DTWD1: variants seen among roughly 807,000 people sequenced by gnomAD.
The protein encoded by DTWD1 is tRNA-uridine aminocarboxypropyltransferase 1.
In DTWD1, 27 loss-of-function variants were observed where a neutral mutation model predicts 30.2. The ratio of observed to expected loss-of-function variants is 0.90; its 90% CI spans 0.66 to 1.23. The LOEUF (loss-of-function observed/expected upper bound fraction) is 1.23. Among genes scored for constraint, DTWD1 ranks in the 50% most tolerant of loss-of-function variants. The pLI is 0.00. For missense variants in DTWD1, 342 were observed against 348.8 expected, an observed-to-expected ratio of 0.98 and a Z score of 0.15; for synonymous variants, 99 against 113.1, an observed-to-expected ratio of 0.88 and a Z score of 0.79.
At position 49,655,134 on chromosome 15, in the gene DTWD1, G is replaced by C; in HGVS notation, c.*11556G>C. The C allele has an allele frequency of 6.6e-6, 1 of 152,040 alleles. No homozygotes were observed. The highest frequency in any genetic ancestry group is 1.9e-4 in the East Asian group (1 of 5,160). 9.4% of individuals were successfully genotyped at this position (152,040 alleles called of 1,614,324 possible). The stretch of plus-strand genomic sequence containing the variant: ...ACATATGAATTTCAGTGCATAGAAA[G>C]CACCAAGTCCTCAGACAAAGAGAAC... On this transcript the variant is annotated 3_prime_UTR_variant, in exon 5 of 5. Transcript: ENST00000403028.
rs2079137643 is a variant in DTWD1 at position 49,649,083 on chromosome 15, T to C, written c.*5505T>C. 1 of 151,884 alleles carries C rather than the reference T, an allele frequency of 6.6e-6. No homozygotes were observed. The highest frequency in any genetic ancestry group is 1.5e-5 in the Non-Finnish European group (1 of 68,028). 9.4% of individuals were successfully genotyped at this position (151,884 alleles called of 1,614,324 possible). On this transcript the variant is annotated 3_prime_UTR_variant, in exon 5 of 5. Transcript: ENST00000403028. ...AAGTCATTAGAGTAAAAAAAAGATG[T>C]ACATTAAGGCTTATCATCAAGGAAT...
rs1429647140 is a variant in DTWD1, at chr15:49,655,337, A to C, written c.*11759A>C. On this transcript the variant is annotated 3_prime_UTR_variant, in exon 5 of 5. Transcript: ENST00000403028. ...TATTACATAGCAATTGATAACTGAT[A>C]CAACAGTCTTTTCGTTAGTAGAAGA... 6.6e-6 allele frequency: 1 copy of C among 152,096 alleles called. No individual in the cohort carries two copies. Among genetic ancestry groups the C allele is most frequent in the African/African-American group, 2.4e-5 (1 of 41,444 alleles). 9.4% of individuals were successfully genotyped at this position (152,096 alleles called of 1,614,324 possible). A position where few individuals can be genotyped will look rare whatever the true frequency, so the allele number is the denominator to read the frequency against.
At position 49,625,126 on chromosome 15, in the gene DTWD1, T is replaced by C. The variant is rs751504353; in HGVS notation, c.-42T>C. The C allele has an allele frequency of 1.5e-5, 24 of 1,583,112 alleles. No individual in the cohort carries two copies. In the South Asian group the frequency reaches 1.6e-4, roughly 10 times the overall value. On this transcript the variant is annotated 5_prime_UTR_variant, in exon 2 of 5. The change abolishes an upstream ATG in the 5' untranslated region. Transcript: ENST00000403028. ...TTTTTTTTACAGTGCACCTATGATA[T>C]GTGTTTTAGAAATAGCCGTTAAACT...
chr15:49,622,179 A>G (rs1460099934), intron 1 of DTWD1, among the ~76,000 whole-genome samples: 2 of 152,226 alleles, frequency 1.3e-5, no homozygotes, highest in African/African-American at 2.4e-5. Context: ...CTGCTGTTGC[A>G]TAAGAATCAG....
In DTWD1 at chr15:49,646,641, T is replaced by C. The variant is rs998691441; in HGVS notation, c.*3063T>C. 2 of 152,280 alleles carry C rather than the reference T, an allele frequency of 1.3e-5. No individual in the cohort carries two copies. Among genetic ancestry groups the C allele is most frequent in the African/African-American group, 2.4e-5 (1 of 41,456 alleles). 9.4% of individuals were successfully genotyped at this position (152,280 alleles called of 1,614,324 possible). ...AAAGCTGCTGGGTAAATTGCTCTTCTTCTGATGGACTGTATAGAGACACTG... is the reference window on the plus strand; with the variant it reads ...AAAGCTGCTGGGTAAATTGCTCTTCCTCTGATGGACTGTATAGAGACACTG... On this transcript the variant is annotated 3_prime_UTR_variant, in exon 5 of 5. Coordinates refer to ENST00000403028, the MANE Select transcript of DTWD1 (RefSeq NM_001144955.2).
rs199727722 is a variant in DTWD1, at chr15:49,632,227, A to G, written c.333A>G (p.Ala111=). The G allele has an allele frequency of 3.6e-5, 57 of 1,601,686 alleles. No homozygotes were observed. Among genetic ancestry groups the G allele is most frequent in the Admixed American group, 2.7e-4 (15 of 56,378 alleles). The change falls in exon 3 of 5, where the codon GCA becomes GCG. Residue 111 remains alanine (A), a synonymous_variant. Transcript: ENST00000403028. ...ETDGKSTAIH[A]KLLAPEFVNI... ...ATGGCAAAAGTACTGCTATACATGCAAAACTCTTAGCACCTGAATTTGTAA... is the reference window on the plus strand; with the variant it reads ...ATGGCAAAAGTACTGCTATACATGCGAAACTCTTAGCACCTGAATTTGTAA...
intron 4 of DTWD1, among the ~76,000 whole-genome samples, 160 bp downstream of exon 4, chr15:49,634,954 TTATA>T (rs1416564453): frequency 6.6e-6 from 1 of 152,216 alleles, no homozygotes; most frequent in African/African-American, 2.4e-5. Flanking sequence ...GAGTGTGTAT[TTATA>T]TATTATATAT....
intron 4 of DTWD1, among the ~76,000 whole-genome samples, chr15:49,636,919 C>T (rs552580760): frequency 2.0e-5 from 3 of 152,156 alleles, no homozygotes; most frequent in African/African-American, 7.2e-5. Context: ...TTTATTTTTT[C>T]TCTTTGTAAG....
chr15:49,634,874 A>G, intron 4 of DTWD1, 80 bp downstream of exon 4: 1 of 1,389,556 alleles, frequency 7.2e-7, no homozygotes, highest in African/African-American at 1.4e-5. Flanking sequence ...ATAATTTGAA[A>G]GAGGAGTTAC....
chr15:49,643,655 A>G lies in DTWD1; in HGVS notation c.*77A>G. The G allele has an allele frequency of 6.9e-7, 1 of 1,446,718 alleles. No individual in the cohort carries two copies. The highest frequency in any genetic ancestry group is 9.3e-7 in the Non-Finnish European group (1 of 1,078,364). The allele number at this position is 1,446,718 out of a possible 1,614,324, so 89.6% of individuals were successfully genotyped here. ...TATTTGTGCTTTGTTTTTTCTTAAG[A>G]AATAATCATATATAATGCCTGTAAG... is the stretch of plus-strand genomic sequence containing the variant. On this transcript the variant is annotated 3_prime_UTR_variant, in exon 5 of 5. Transcript: ENST00000403028.
At chr15:49,626,009 T>C (rs933107252) in intron 2 of DTWD1, among the ~76,000 whole-genome samples, 3 of 152,152 alleles carry the variant, frequency 2.0e-5, no homozygotes, top group Non-Finnish European at 4.4e-5. Flanking sequence ...AAACCAAGTG[T>C]ATTTATGGAA....
chr15:49,625,490 T>C, intron 2 of DTWD1, 59 bp downstream of exon 2: 1 of 1,398,576 alleles, frequency 7.2e-7, no homozygotes, highest in Non-Finnish European at 9.8e-7. Flanking sequence ...AAACATCTCA[T>C]GTATACCTAC....
chr15:49,633,849 A>G (rs1231151084), intron 3 of DTWD1, among the ~76,000 whole-genome samples: 1 of 152,210 alleles, frequency 6.6e-6, no homozygotes, highest in East Asian at 1.9e-4. Flanking sequence ...CTAACAATAT[A>G]AATCTCAGTA....
chr15:49,646,286 A>G lies in DTWD1; in HGVS notation c.*2708A>G, dbSNP rs967708162. The G allele has an allele frequency of 5.9e-5, 9 of 152,184 alleles. No homozygotes were observed. The highest frequency in any genetic ancestry group is 2.2e-4 in the African/African-American group (9 of 41,458). The allele number at this position is 152,184 out of a possible 1,614,324, so 9.4% of individuals were successfully genotyped here. A position where few individuals can be genotyped will look rare whatever the true frequency, so the allele number is the denominator to read the frequency against. On this transcript the variant is annotated 3_prime_UTR_variant, in exon 5 of 5. Transcript: ENST00000403028. ...ATTATGCCACCAATGTCTTATAGCTATTTATTGTGGCTATAGATATCTCAT... is the reference window on the plus strand; with the variant it reads ...ATTATGCCACCAATGTCTTATAGCTGTTTATTGTGGCTATAGATATCTCAT...
chr15:49,635,485 G>A lies in DTWD1; in HGVS notation c.667+691G>A, dbSNP rs147278923. ...TTTTTTGCCTTACAGGTTTTTTGTT[G>A]TTCTTGTTGTTGTTTGTTTGTTTGT... is the stretch of plus-strand genomic sequence containing the variant. On this transcript the variant is annotated intron_variant, in intron 4 of 4. Coordinates refer to ENST00000403028, the MANE Select transcript of DTWD1 (RefSeq NM_001144955.2). 1.3e-3 allele frequency among the ~76,000 whole-genome samples: 199 copies of A among 151,784 alleles called. 1 individual carries two copies. Among genetic ancestry groups the A allele is most frequent in the African/African-American group, 4.5e-3 (185 of 41,424 alleles).
In DTWD1 at chr15:49,643,527, A is replaced by G; in HGVS notation, c.864A>G (p.Ile288Met). 6.2e-7 allele frequency: 1 copy of G among 1,607,486 alleles called. No individual in the cohort carries two copies. Among genetic ancestry groups the G allele is most frequent in the Non-Finnish European group, 8.5e-7 (1 of 1,177,202 alleles). The change falls in exon 5 of 5, where the codon ATA becomes ATG. Residue 288 changes from isoleucine (I) to methionine (M), a missense_variant. Ile to Met is a conservative substitution (Grantham distance 10). Coordinates refer to ENST00000403028, the MANE Select transcript of DTWD1 (RefSeq NM_001144955.2). ...LFFYSFMYQL[I>M]KNAKCSGDKE... ...TCTATTCTTTTATGTACCAGTTGAT[A>G]AAGAATGCCAAATGCTCTGGAGATA... is the stretch of plus-strand genomic sequence containing the variant.
intron 1 of DTWD1, among the ~76,000 whole-genome samples, chr15:49,623,425 G>T (rs931089223): frequency 1.3e-5 from 2 of 148,178 alleles, no homozygotes; most frequent in African/African-American, 5.3e-5. Flanking sequence ...CTCTTCCCAA[G>T]CTTTTTTTTT....
chr15:49,630,931 G>T, intron 2 of DTWD1: 2 of 412,084 alleles, frequency 4.9e-6, no homozygotes, highest in South Asian at 1.8e-5. Context: ...GTGCATACAA[G>T]GGACCTAGAT....
At chr15:49,633,043 C>CTATATATATCTATATATA (rs368196512) in intron 3 of DTWD1, among the ~76,000 whole-genome samples, 2,033 of 129,514 alleles carry the variant, frequency 0.016, 48 homozygotes, top group Non-Finnish European at 0.025. Flanking sequence ...CTATTTATAT[C>CTATATATATCTATATATA]TATATCTATA....
Sources: allele counts gnomAD v4.1 joint callset (sites outside exome capture counted in the v4.1 genomes callset), GRCh38; gene constraint gnomAD v4.1.1; transcripts MANE v1.5; gene names NCBI Gene and HGNC (gene_info 2026-07-23, HGNC 2026-07-21).